The following KLHL8 variants were observed in gnomAD, a reference collection of about 807,000 sequenced individuals.
The protein encoded by KLHL8 is kelch-like protein 8.
Under a neutral mutation model 63.5 loss-of-function variants are expected in KLHL8, and 38 were observed. The ratio of observed to expected loss-of-function variants is 0.60; its 90% CI spans 0.46 to 0.78. The LOEUF (loss-of-function observed/expected upper bound fraction) is 0.78, where lower values mean the gene tolerates loss of function less well. Among genes scored for constraint, KLHL8 ranks in the 30% least tolerant of loss-of-function variants. The pLI, the probability that KLHL8 is intolerant of heterozygous loss-of-function variation, is 0.00. For synonymous variants in KLHL8, 224 were observed against 254.3 expected, an observed-to-expected ratio of 0.88 and a Z score of 1.13; for missense variants, 566 against 752.4, an observed-to-expected ratio of 0.75 and a Z score of 2.90.
At chr4:87,207,789 C>A in intron 1 of KLHL8, 2 of 912,632 alleles carry the variant, frequency 2.2e-6, no homozygotes, top group Non-Finnish European at 1.8e-6. Flanking sequence ...CCTTCTGTGT[C>A]ACCACTGCCA....
At chr4:87,236,515 G>A in intron 1 of KLHL8, among the ~76,000 whole-genome samples, 1 of 151,808 alleles carries the variant, frequency 6.6e-6, no homozygotes, top group African/African-American at 2.4e-5. Flanking sequence ...CTATGAATTT[G>A]ATTTCTTAAT....
At chr4:87,206,816 T>C (rs1410508313) in intron 1 of KLHL8, among the ~76,000 whole-genome samples, 2 of 152,254 alleles carry the variant, frequency 1.3e-5, no homozygotes, top group Non-Finnish European at 2.9e-5. Context: ...ACCCCCATAG[T>C]ACGCTGTATT....
chr4:87,179,553 T>A (rs1242320062), intron 4 of KLHL8, among the ~76,000 whole-genome samples: 3 of 152,026 alleles, frequency 2.0e-5, no homozygotes, highest in Admixed American at 1.3e-4. Flanking sequence ...GGCAGGAGAA[T>A]CATTTGAGGC....
chr4:87,196,297 T>C (rs1166288248), intron 1 of KLHL8, among the ~76,000 whole-genome samples: 3 of 152,218 alleles, frequency 2.0e-5, no homozygotes, highest in African/African-American at 7.2e-5. Flanking sequence ...AACAATTAAG[T>C]AGAGATGAAA....
chr4:87,220,461 G>C lies in KLHL8; in HGVS notation c.-195C>G, dbSNP rs947829056. The C allele has an allele frequency of 6.6e-6, 1 of 152,390 alleles. No individual in the cohort carries two copies. Among genetic ancestry groups the C allele is most frequent in the African/African-American group, 2.4e-5 (1 of 41,462 alleles). The allele number at this position is 152,390 out of a possible 1,614,324, so 9.4% of individuals were successfully genotyped here. A position where few individuals can be genotyped will look rare whatever the true frequency, so the allele number is the denominator to read the frequency against. The stretch of plus-strand genomic sequence containing the variant: ...TCTTCCTGATGTCGCTAAGGTTGCA[G>C]CCACGTTACCACGCTCCCAGAGCCC... On this transcript the variant is annotated 5_prime_UTR_variant, in exon 1 of 10. Transcript: ENST00000273963.
rs58112792 is a variant in KLHL8 at position 87,214,415 on chromosome 4, G to GATATATATATATATATATAT, written c.-152+5983_-152+6002dup. 5.4e-5 allele frequency among the ~76,000 whole-genome samples: 5 copies of GATATATATATATATATATAT among 93,106 alleles called. 1 individual carries two copies. Among genetic ancestry groups the GATATATATATATATATATAT allele is most frequent in the Non-Finnish European group, 1.2e-4 (5 of 42,302 alleles). The allele number at this position is 93,106 out of a possible 152,430, so 61.1% of individuals were successfully genotyped here. ...TGAGTTAACAAACTGGCACATAACA[G>GATATATATATATATATATAT]ATATATATATATATATATATATATA... is the stretch of plus-strand genomic sequence containing the variant. On this transcript the variant is annotated intron_variant, in intron 1 of 9. Coordinates refer to ENST00000273963, the MANE Select transcript of KLHL8 (RefSeq NM_020803.5).
rs186267738 is a variant in KLHL8 at position 87,235,625 on chromosome 4, T to G, written n.57+4633A>C. Among the ~76,000 whole-genome samples the G allele has an allele frequency of 1.6e-3, 250 of 152,330 alleles. 1 individual carries two copies. In the Middle Eastern group the frequency reaches 0.017, roughly 10 times the overall value. On this transcript the variant is annotated intron_variant and non_coding_transcript_variant, in intron 1 of 1. Coordinates refer to the KLHL8 transcript ENST00000506274. ...TGGGGGGCAGGGTGGAGAAAAAGCA[T>G]AATTGTTATCATTTAATCGTCACCT...
At chr4:87,239,778 C>T (rs1032218356) in intron 1 of KLHL8, among the ~76,000 whole-genome samples, 1 of 152,122 alleles carries the variant, frequency 6.6e-6, no homozygotes, top group African/African-American at 2.4e-5. Flanking sequence ...GTTTGTAAAA[C>T]CTCCTTGCCA....
intron 1 of KLHL8, among the ~76,000 whole-genome samples, chr4:87,236,657 C>T (rs1012619816): frequency 2.9e-5 from 4 of 135,990 alleles, no homozygotes; most frequent in Non-Finnish European, 6.1e-5. Flanking sequence ...TTTATCTGTA[C>T]TGTGTCTTTT....
chr4:87,239,964 T>A (rs536590620), intron 1 of KLHL8, among the ~76,000 whole-genome samples: 32 of 152,272 alleles, frequency 2.1e-4, no homozygotes, highest in African/African-American at 7.2e-4. Context: ...CTTAACCCCC[T>A]CATCTGGTAG....
upstream of KLHL8, among the ~76,000 whole-genome samples, chr4:87,224,073 T>A (rs1027298710): frequency 4.6e-5 from 7 of 151,466 alleles, no homozygotes; most frequent in East Asian, 3.9e-4. Flanking sequence ...TTTTTTTTTT[T>A]AAATTTGAGA....
intron 1 of KLHL8, 95 bp from the exon 2 acceptor site, chr4:87,195,785 T>C (rs971899744): frequency 3.9e-5 from 13 of 333,112 alleles, no homozygotes; most frequent in African/African-American, 1.7e-4. Flanking sequence ...AAAATAACTA[T>C]ATCAATCATA....
At chr4:87,192,900 A>C (rs575998272) in intron 2 of KLHL8, among the ~76,000 whole-genome samples, 12 of 152,130 alleles carry the variant, frequency 7.9e-5, no homozygotes, top group Non-Finnish European at 1.8e-4. Context: ...AATACAGTAT[A>C]AGGTATTTTT....
Position 87,164,019 on chromosome 4 carries a change from T to C in KLHL8, c.1598A>G (p.Lys533Arg). Reference protein sequence around the residue: ...SVERYDPRSNKWDYVAALTTP... With the variant: ...SVERYDPRSNRWDYVAALTTP... ...AGTAAGTGCTGCCACATAATCCCACTTGTTGCTTCGGGGGTCATACCGCTC... is the reference window on the plus strand; with the variant it reads ...AGTAAGTGCTGCCACATAATCCCACCTGTTGCTTCGGGGGTCATACCGCTC... The change falls in exon 9 of 10, where the codon AAG becomes AGG. Residue 533 changes from lysine to arginine, a missense_variant. Transcript: ENST00000273963. 1 of 1,614,180 alleles carries C rather than the reference T, an allele frequency of 6.2e-7. No homozygotes were observed. The highest frequency in any genetic ancestry group is 1.7e-5 in the Admixed American group (1 of 60,012).
At chr4:87,163,701 A>G (rs1356951407) in intron 9 of KLHL8, 59 bp from the exon 10 acceptor site, 1 of 1,599,096 alleles carries the variant, frequency 6.3e-7, no homozygotes, top group East Asian at 2.2e-5. Context: ...TCAAAATACT[A>G]ACCAAAGACA....
chr4:87,191,577 AAT>A (rs1269076059), intron 2 of KLHL8, among the ~76,000 whole-genome samples: 2 of 152,008 alleles, frequency 1.3e-5, no homozygotes, highest in African/African-American at 4.8e-5. Context: ...TTTTATTGTA[AAT>A]ATATATACAT....
At chr4:87,218,432 T>C (rs997562741) in intron 1 of KLHL8, among the ~76,000 whole-genome samples, 1 of 152,144 alleles carries the variant, frequency 6.6e-6, no homozygotes, top group Non-Finnish European at 1.5e-5. Context: ...TTGGCCAGGA[T>C]GGTCTTGATC....
intron 4 of KLHL8, among the ~76,000 whole-genome samples, chr4:87,182,147 T>C (rs1416748752): frequency 7.0e-6 from 1 of 143,348 alleles, no homozygotes; most frequent in Non-Finnish European, 1.5e-5. Context: ...AAGAATGGCG[T>C]GAACCTGGGA....
rs1208475502 is a variant in KLHL8, at chr4:87,170,074, C to G, written c.1537+5G>C. 16 of 1,610,874 alleles carry G rather than the reference C, an allele frequency of 9.9e-6. No homozygotes were observed. The highest frequency in any genetic ancestry group is 1.4e-5 in the Non-Finnish European group (16 of 1,178,060). The stretch of plus-strand genomic sequence containing the variant: ...GATATATTAGAGAAATACCCATTTA[C>G]TCACCAACTACGTATAAGCAACCAT... On this transcript the variant is annotated splice_donor_5th_base_variant and intron_variant, in intron 8 of 9. Coordinates refer to ENST00000273963, the MANE Select transcript of KLHL8 (RefSeq NM_020803.5).
Sources: gnomAD v4.1 joint callset for allele counts (sites outside exome capture counted in the v4.1 genomes callset) on GRCh38, gnomAD v4.1.1 for gene constraint, MANE v1.5 for transcripts, NCBI Gene and HGNC (gene_info 2026-07-23, HGNC 2026-07-21) for gene names.